MYO1D: variants seen among roughly 807,000 people sequenced by gnomAD.
The protein encoded by MYO1D is myosin ID, also known as unconventional myosin-Id.
Under a neutral mutation model 122.0 loss-of-function variants are expected in MYO1D, and 83 were observed. The ratio of observed to expected loss-of-function variants is 0.68; its 90% CI spans 0.57 to 0.82. MYO1D has a LOEUF of 0.82. MYO1D is among the 40% of genes least tolerant of loss of function. The probability of loss-of-function intolerance (pLI) is 0.00; values close to 1 mark genes in which losing one functional copy is unlikely to be tolerated. For synonymous variants in MYO1D, 464 were observed against 446.9 expected, an observed-to-expected ratio of 1.04 and a Z score of -0.48; for missense variants, 1,157 against 1,269.5, an observed-to-expected ratio of 0.91 and a Z score of 1.35.
intron 20 of MYO1D, among the ~76,000 whole-genome samples, chr17:32,629,134 T>C (rs192197655): frequency 1.9e-4 from 28 of 149,518 alleles, no homozygotes; most frequent in Admixed American, 6.8e-4. Context: ...AAGGCTACAT[T>C]CTGTATGATT....
intron 1 of MYO1D, among the ~76,000 whole-genome samples, chr17:32,791,363 CAAAAAAA>C (rs60741553): frequency 3.0e-4 from 15 of 49,494 alleles, no homozygotes; most frequent in African/African-American, 7.8e-4. Flanking sequence ...GACTCCGTCT[CAAAAAAA>C]AAAAAAAAAA....
intron 19 of MYO1D, among the ~76,000 whole-genome samples, chr17:32,649,789 C>T (rs1255664043): frequency 1.3e-5 from 2 of 152,048 alleles, no homozygotes; most frequent in Admixed American, 6.6e-5. Flanking sequence ...CCAGGCTGGT[C>T]TCAAACTCCT....
intron 21 of MYO1D, among the ~76,000 whole-genome samples, chr17:32,544,236 C>T (rs1012961970): frequency 6.7e-6 from 1 of 149,934 alleles, no homozygotes; most frequent in Non-Finnish European, 1.5e-5. Context: ...GCTGAGACTA[C>T]AGGTGTGCAC....
intron 1 of MYO1D, among the ~76,000 whole-genome samples, chr17:32,848,680 C>T (rs2090959100): frequency 6.6e-6 from 1 of 152,134 alleles, no homozygotes; most frequent in Admixed American, 6.5e-5. Context: ...AGTGGAAATA[C>T]TCTTGTTTCT....
rs1433525402 is a variant in MYO1D at position 32,711,323 on chromosome 17, T to C, written c.2121+665A>G. Among the ~76,000 whole-genome samples the C allele has an allele frequency of 2.0e-5, 3 of 152,190 alleles. No homozygotes were observed. In the East Asian group the frequency reaches 5.8e-4, roughly 29 times the overall value. Reference sequence around the variant, plus strand: ...GGTGAAGGAGGCAATTTCAAACATGTTGGCAACATTTTTTACTTACAAGAT... The same window carrying C: ...GGTGAAGGAGGCAATTTCAAACATGCTGGCAACATTTTTTACTTACAAGAT... On this transcript the variant is annotated intron_variant, in intron 16 of 21. Transcript: ENST00000318217.
intron 16 of MYO1D, among the ~76,000 whole-genome samples, chr17:32,672,171 G>A (rs1195712879): frequency 6.6e-5 from 10 of 152,164 alleles, no homozygotes; most frequent in Non-Finnish European, 1.0e-4. Flanking sequence ...ATAGGCAGAT[G>A]TTTTTAGCAT....
At chr17:32,574,729 C>T (rs62062514) in intron 21 of MYO1D, among the ~76,000 whole-genome samples, 4,633 of 152,252 alleles carry the variant, frequency 0.03, 70 homozygotes, top group Middle Eastern at 0.075. Context: ...TAAAGGTACA[C>T]GAGGTGCAGC....
chr17:32,648,185 GC>G (rs1249065881), intron 19 of MYO1D, among the ~76,000 whole-genome samples: 1 of 152,148 alleles, frequency 6.6e-6, no homozygotes, highest in African/African-American at 2.4e-5. Flanking sequence ...CAGCACCCTA[GC>G]CTGGGTGACA....
At chr17:32,864,503 C>T (rs1331898852) in intron 1 of MYO1D, among the ~76,000 whole-genome samples, 1 of 122,312 alleles carries the variant, frequency 8.2e-6, no homozygotes, top group African/African-American at 3.2e-5. Context: ...ATGTTTCCTG[C>T]TTTGTTGTAC....
chr17:32,756,289 T>C (rs929526068), intron 10 of MYO1D: 11 of 227,038 alleles, frequency 4.8e-5, no homozygotes, highest in African/African-American at 2.2e-4. Flanking sequence ...CTGTAGTGTT[T>C]GGCAGAGTTG....
At chr17:32,796,358 A>G (rs1269940906) in intron 1 of MYO1D, among the ~76,000 whole-genome samples, 1 of 152,198 alleles carries the variant, frequency 6.6e-6, no homozygotes, top group Non-Finnish European at 1.5e-5. Context: ...AATTATATGA[A>G]TTGATAACAA....
chr17:32,594,628 T>A (rs1377860435), intron 21 of MYO1D: 1 of 624,228 alleles, frequency 1.6e-6, no homozygotes, highest in Non-Finnish European at 2.8e-6. Flanking sequence ...TTAGGTCTTA[T>A]AATATCTATA....
rs539493181 is a variant in MYO1D at position 32,573,069 on chromosome 17, T to A, written c.2864+32018A>T. Reference sequence around the variant, plus strand: ...TTCTATGCGTGGCACATACAAGGCATTGAAAAAATACTGACTATTATCAAC... The same window carrying A: ...TTCTATGCGTGGCACATACAAGGCAATGAAAAAATACTGACTATTATCAAC... On this transcript the variant is annotated intron_variant, in intron 21 of 21. Coordinates refer to ENST00000318217, the MANE Select transcript of MYO1D (RefSeq NM_015194.3). 1.6e-5 allele frequency among the ~76,000 whole-genome samples: 2 copies of A among 123,766 alleles called. 1 individual carries two copies. Among genetic ancestry groups the A allele is most frequent in the African/African-American group, 5.1e-5 (2 of 38,880 alleles). 81.2% of individuals were successfully genotyped at this position (123,766 alleles called of 152,430 possible).
intron 8 of MYO1D, among the ~76,000 whole-genome samples, chr17:32,763,362 G>A (rs1301784374): frequency 6.6e-6 from 1 of 152,080 alleles, no homozygotes; most frequent in Admixed American, 6.6e-5. Context: ...CAACAACAAC[G>A]AAAGTTAGAC....
intron 21 of MYO1D, among the ~76,000 whole-genome samples, chr17:32,588,184 T>C (rs2157841): frequency 0.13 from 20,082 of 152,282 alleles, 1,595 homozygotes; most frequent in Middle Eastern, 0.25. Context: ...TTTTGACAGT[T>C]CCTGGTTGGA....
intron 19 of MYO1D, among the ~76,000 whole-genome samples, chr17:32,640,487 C>T (rs2088181364): frequency 8.2e-6 from 1 of 122,420 alleles, no homozygotes; most frequent in South Asian, 3.2e-4. Flanking sequence ...CCCCCCACCC[C>T]ACAACAGTCC....
chr17:32,745,407 T>A, intron 12 of MYO1D, 122 bp from the exon 13 acceptor site: 1 of 635,014 alleles, frequency 1.6e-6, no homozygotes, highest in Non-Finnish European at 2.8e-6. Context: ...TAAAAGCTGA[T>A]ATTGTTCATC....
chr17:32,555,572 T>C (rs1367027550), intron 21 of MYO1D, among the ~76,000 whole-genome samples: 1 of 152,244 alleles, frequency 6.6e-6, no homozygotes, highest in Non-Finnish European at 1.5e-5. Context: ...CTGTTGTCTG[T>C]TGCATAAAAC....
At chr17:32,554,648 T>G (rs1161532646) in intron 21 of MYO1D, among the ~76,000 whole-genome samples, 1 of 151,914 alleles carries the variant, frequency 6.6e-6, no homozygotes, top group Non-Finnish European at 1.5e-5. Flanking sequence ...AAAGACAGAC[T>G]GGGAAAGTAT....
Sources: allele counts gnomAD v4.1 joint callset (sites outside exome capture counted in the v4.1 genomes callset), GRCh38; gene constraint gnomAD v4.1.1; transcripts MANE v1.5; gene names NCBI Gene and HGNC (gene_info 2026-07-23, HGNC 2026-07-21).